The following COL4A1 variants were observed in gnomAD, a reference collection of about 807,000 sequenced individuals.
COL4A1 encodes collagen type IV alpha 1 chain.
A neutral mutation model predicts 216.6 loss-of-function variants in COL4A1; 40 were observed. That is an observed-to-expected ratio of 0.18 (90% CI 0.14 to 0.24). The LOEUF is 0.24. Among genes scored for constraint, COL4A1 ranks in the 10% least tolerant of loss-of-function variants. The probability of loss-of-function intolerance (pLI) is 1.00; values close to 1 mark genes in which losing one functional copy is unlikely to be tolerated. For missense variants in COL4A1, 1,628 were observed against 2,196.8 expected (o/e 0.74, Z 5.18); for synonymous variants, 839 against 810.7 (o/e 1.03, Z -0.59).
At position 110,209,760 on chromosome 13, in the gene COL4A1, T is replaced by G. The variant is rs573312459; in HGVS notation, c.615+220A>C. The G allele has an allele frequency of 4.2e-5, 32 of 768,316 alleles. No homozygotes were observed. The South Asian group carries it at 4.2e-4, about 10-fold the overall frequency. The allele number at this position is 768,316 out of a possible 1,614,324, so 47.6% of individuals were successfully genotyped here. ...TGACTGCATTATTTGTTTCAGGGTA[T>G]CAGTTTATGGTACTATCATCATCCC... On this transcript the variant is annotated intron_variant, in intron 10 of 51. Transcript: ENST00000375820.
chr13:110,291,231 A>G (rs993349105), intron 1 of COL4A1, among the ~76,000 whole-genome samples: 9 of 152,178 alleles, frequency 5.9e-5, no homozygotes, highest in Admixed American at 5.2e-4. Flanking sequence ...TGTCTCTTTG[A>G]TCATCTTCAC....
chr13:110,281,786 T>C lies in COL4A1; in HGVS notation c.84+25158A>G, dbSNP rs563181983. 3.3e-5 allele frequency among the ~76,000 whole-genome samples: 5 copies of C among 152,316 alleles called. No homozygotes were observed. In the South Asian group the frequency reaches 1.0e-3, roughly 32 times the overall value. On this transcript the variant is annotated intron_variant, in intron 1 of 51. Transcript: ENST00000375820. ...TTTACCAATCTGGCAGGAACATCAA[T>C]TCCCCTCTCACATTTTAGTAAACTT...
chr13:110,205,180 T>G (rs902236913), intron 17 of COL4A1, among the ~76,000 whole-genome samples, 173 bp downstream of exon 17: 2 of 152,268 alleles, frequency 1.3e-5, no homozygotes, highest in African/African-American at 4.8e-5. Context: ...TATTTTTATT[T>G]TGTAAAAAAT....
Position 110,211,501 on chromosome 13 carries a change from G to T in COL4A1, c.468+146C>A. The T allele has an allele frequency of 1.5e-6, 1 of 680,176 alleles. No homozygotes were observed. Among genetic ancestry groups the T allele is most frequent in the Non-Finnish European group, 2.4e-6 (1 of 420,950 alleles). The allele number at this position is 680,176 out of a possible 1,614,324, so 42.1% of individuals were successfully genotyped here. A position where few individuals can be genotyped will look rare whatever the true frequency, so the allele number is the denominator to read the frequency against. Reference sequence around the variant, plus strand: ...TCTGAGTTTGTGGGTTACTTGTACAGTCTTTTCATGTAACAGAGTTTAGGG... The same window carrying T: ...TCTGAGTTTGTGGGTTACTTGTACATTCTTTTCATGTAACAGAGTTTAGGG... On this transcript the variant is annotated intron_variant, in intron 8 of 51. Coordinates refer to ENST00000375820, the MANE Select transcript of COL4A1 (RefSeq NM_001845.6). This position sits in a 1 kb window ranked among gnomAD's most constrained non-coding sequence, Gnocchi z 4.3.
chr13:110,223,548 C>T (rs984010966), intron 2 of COL4A1, among the ~76,000 whole-genome samples: 5 of 152,132 alleles, frequency 3.3e-5, no homozygotes, highest in Admixed American at 6.5e-5. Flanking sequence ...TTAAAAACAT[C>T]TTCAAAACGA....
chr13:110,274,026 C>T (rs1419871378), intron 1 of COL4A1, among the ~76,000 whole-genome samples: 10 of 152,092 alleles, frequency 6.6e-5, no homozygotes, highest in Non-Finnish European at 1.3e-4. Context: ...TTTAAAAATA[C>T]AGCGTTACTA....
chr13:110,216,719 T>C (rs971217858), intron 2 of COL4A1, among the ~76,000 whole-genome samples: 1 of 152,156 alleles, frequency 6.6e-6, no homozygotes, highest in Non-Finnish European at 1.5e-5. Flanking sequence ...ATAGTCCCTG[T>C]TTTTTCTGGG....
At chr13:110,241,910 C>G (rs1385983171) in intron 2 of COL4A1, among the ~76,000 whole-genome samples, 1 of 152,214 alleles carries the variant, frequency 6.6e-6, no homozygotes, top group Non-Finnish European at 1.5e-5. Context: ...AGTATCCACT[C>G]CATTCTACAG....
At position 110,261,035 on chromosome 13, in the gene COL4A1, T is replaced by TA. The variant is rs1303970828; in HGVS notation, c.85-18302_85-18301insT. On this transcript the variant is annotated intron_variant, in intron 1 of 51. Coordinates refer to ENST00000375820, the MANE Select transcript of COL4A1 (RefSeq NM_001845.6). ...CTGGGTGACAGAGCGAGACTCCGTC[T>TA]CAAAAAAAAAAAAAAAAAAGGCCAA... Among the ~76,000 whole-genome samples, 7 of 42,162 alleles carry TA rather than the reference T, an allele frequency of 1.7e-4. 1 individual carries two copies. The highest frequency in any genetic ancestry group is 2.9e-4 in the Admixed American group (1 of 3,434). The allele number at this position is 42,162 out of a possible 152,430, so 27.7% of individuals were successfully genotyped here.
chr13:110,205,965 AATGAGGGTTCTATGT>A (rs1879494579), intron 15 of COL4A1, among the ~76,000 whole-genome samples: 1 of 152,148 alleles, frequency 6.6e-6, no homozygotes, highest in South Asian at 2.1e-4. Flanking sequence ...AAGCAAGGTA[AATGAGGGTTCTATGT>A]AAGTTGACAA....
Position 110,211,627 on chromosome 13 carries a change from C to T in COL4A1, c.468+20G>A, listed in dbSNP as rs1566378073. The T allele has an allele frequency of 6.2e-7, 1 of 1,610,070 alleles. No individual in the cohort carries two copies. Among genetic ancestry groups the T allele is most frequent in the Non-Finnish European group, 8.5e-7 (1 of 1,178,626 alleles). ...ATTCCCTGTAATGAATCCAATAAAG[C>T]AAAATAAAATAAAATGTACCTTCAT... On this transcript the variant is annotated intron_variant, in intron 8 of 51. Coordinates refer to ENST00000375820, the MANE Select transcript of COL4A1 (RefSeq NM_001845.6). This position sits in a 1 kb window ranked among gnomAD's most constrained non-coding sequence, Gnocchi z 4.3.
rs1205785960 is a variant in COL4A1, at chr13:110,268,086, G to A, written c.85-25352C>T. Among the ~76,000 whole-genome samples the A allele has an allele frequency of 6.6e-6, 1 of 152,110 alleles. No individual in the cohort carries two copies. The highest frequency in any genetic ancestry group is 1.5e-5 in the Non-Finnish European group (1 of 68,014). On this transcript the variant is annotated intron_variant, in intron 1 of 51. Transcript: ENST00000375820. This position sits in a 1 kb window ranked among gnomAD's most constrained non-coding sequence, Gnocchi z 4.1. Reference sequence around the variant, plus strand: ...CAAAGCTCATGACATTTGACTCCAGGAGGAAAGTTTGACAGACTGCTGTTA... The same window carrying A: ...CAAAGCTCATGACATTTGACTCCAGAAGGAAAGTTTGACAGACTGCTGTTA...
In COL4A1 at chr13:110,194,945, T is replaced by G. The variant is rs930528736; in HGVS notation, c.1381+78A>C. Reference sequence around the variant, plus strand: ...CTAACTCTGCCCACCCCCACTTGGCTCCAAAGCCGGTAAGTATGTGGGAAA... The same window carrying G: ...CTAACTCTGCCCACCCCCACTTGGCGCCAAAGCCGGTAAGTATGTGGGAAA... On this transcript the variant is annotated intron_variant, in intron 22 of 51. Transcript: ENST00000375820. The G allele has an allele frequency of 3.1e-6, 4 of 1,309,812 alleles. No homozygotes were observed. The African/African-American group carries it at 5.8e-5, about 19-fold the overall frequency. 81.1% of individuals were successfully genotyped at this position (1,309,812 alleles called of 1,614,324 possible). A position where few individuals can be genotyped will look rare whatever the true frequency, so the allele number is the denominator to read the frequency against.
intron 1 of COL4A1, among the ~76,000 whole-genome samples, chr13:110,262,713 C>A (rs908440659): frequency 6.6e-6 from 1 of 152,222 alleles, no homozygotes; most frequent in Non-Finnish European, 1.5e-5. Context: ...CAGGGAAACA[C>A]GCATCTCCTG....
chr13:110,241,256 G>A (rs550335518), intron 2 of COL4A1, among the ~76,000 whole-genome samples: 25 of 152,314 alleles, frequency 1.6e-4, no homozygotes, highest in Middle Eastern at 3.4e-3. Flanking sequence ...AAGGCCTGCC[G>A]GCTGGACAGA....
At chr13:110,210,270 C>G in intron 8 of COL4A1, 58 bp from the exon 9 acceptor site, 1 of 1,531,822 alleles carries the variant, frequency 6.5e-7, no homozygotes, top group Non-Finnish European at 9.0e-7. Flanking sequence ...TGTAAAGAAG[C>G]TGAAAACTCT....
At chr13:110,270,902 G>T (rs1468423418) in intron 1 of COL4A1, among the ~76,000 whole-genome samples, 1 of 151,968 alleles carries the variant, frequency 6.6e-6, no homozygotes, top group East Asian at 1.9e-4. Context: ...GCTGATTTCA[G>T]GGGTGGGGCA....
At chr13:110,274,623 C>T (rs1252729971) in intron 1 of COL4A1, among the ~76,000 whole-genome samples, 1 of 152,206 alleles carries the variant, frequency 6.6e-6, no homozygotes, top group Non-Finnish European at 1.5e-5. Flanking sequence ...CCCTGGAGCT[C>T]TCTCCAACCT....
intron 1 of COL4A1, among the ~76,000 whole-genome samples, chr13:110,288,014 T>TGGGAGGCTGAG (rs151182529): frequency 0.16 from 24,557 of 151,232 alleles, 2,230 homozygotes; most frequent in South Asian, 0.22. Flanking sequence ...CTCAGCACTT[T>TGGGAGGCTGAG]GGGAGGCTGA....
Sources: gnomAD v4.1 joint callset for allele counts (sites outside exome capture counted in the v4.1 genomes callset) on GRCh38, gnomAD v4.1.1 for gene constraint, Gnocchi (gnomAD v3.1) non-coding constraint, MANE v1.5 for transcripts, NCBI Gene and HGNC (gene_info 2026-07-23, HGNC 2026-07-21) for gene names.